BMPR1B: variants seen among roughly 807,000 people sequenced by gnomAD.
BMPR1B encodes bone morphogenetic protein receptor type 1B.
A neutral mutation model predicts 59.1 loss-of-function variants in BMPR1B; 12 were observed. The ratio of observed to expected loss-of-function variants is 0.20; its 90% CI spans 0.13 to 0.33. The LOEUF (loss-of-function observed/expected upper bound fraction) is 0.33. BMPR1B is among the 10% of genes least tolerant of loss of function. BMPR1B has a pLI of 1.00. For missense variants in BMPR1B, 550 were observed against 610.9 expected, an observed-to-expected ratio of 0.90 and a Z score of 1.05; for synonymous variants, 237 against 207.3, an observed-to-expected ratio of 1.14 and a Z score of -1.23.
intron 2 of BMPR1B, among the ~76,000 whole-genome samples, chr4:94,977,469 A>T (rs1731071547): frequency 7.8e-6 from 1 of 128,882 alleles, no homozygotes; most frequent in African/African-American, 2.9e-5. Context: ...TTTCAAACCC[A>T]GCAAGATGCC....
intron 2 of BMPR1B, among the ~76,000 whole-genome samples, chr4:94,900,206 G>A (rs924641172): frequency 6.6e-6 from 1 of 151,744 alleles, no homozygotes; most frequent in African/African-American, 2.4e-5. Flanking sequence ...ACACCACAGT[G>A]TAATGCGCTA....
At chr4:95,135,074 C>G (rs1023932780) in intron 10 of BMPR1B, among the ~76,000 whole-genome samples, 4 of 152,116 alleles carry the variant, frequency 2.6e-5, no homozygotes, top group African/African-American at 9.7e-5. Context: ...TCAGCTTTCT[C>G]CATATGGCTA....
chr4:95,016,756 G>T (rs759220013), intron 3 of BMPR1B, among the ~76,000 whole-genome samples: 4 of 152,082 alleles, frequency 2.6e-5, no homozygotes, highest in Non-Finnish European at 2.9e-5. Flanking sequence ...ATATTTAAAA[G>T]TTATAAATTT....
At chr4:94,983,991 G>A (rs920763215) in intron 2 of BMPR1B, among the ~76,000 whole-genome samples, 3 of 152,166 alleles carry the variant, frequency 2.0e-5, no homozygotes, top group African/African-American at 7.2e-5. Flanking sequence ...GATTAGAACT[G>A]CTAATTAAAA....
intron 3 of BMPR1B, among the ~76,000 whole-genome samples, chr4:94,999,949 T>A (rs1176032975): frequency 6.6e-6 from 1 of 152,174 alleles, no homozygotes; most frequent in Non-Finnish European, 1.5e-5. Flanking sequence ...AAAAAAGTAG[T>A]TGTGAAATAG....
At chr4:95,046,495 T>A (rs1029412278) in intron 3 of BMPR1B, among the ~76,000 whole-genome samples, 1 of 152,276 alleles carries the variant, frequency 6.6e-6, no homozygotes, top group South Asian at 2.1e-4. Context: ...AATTTAACAG[T>A]TAGGTAATGA....
chr4:94,955,647 A>T (rs868453512), intron 2 of BMPR1B, among the ~76,000 whole-genome samples: 3 of 50,052 alleles, frequency 6.0e-5, no homozygotes, highest in African/African-American at 3.1e-4. Context: ...CTTTTTTTTT[A>T]AAGACAGAAT....
chr4:95,042,050 G>A (rs1696381987), intron 3 of BMPR1B, among the ~76,000 whole-genome samples: 1 of 152,066 alleles, frequency 6.6e-6, no homozygotes, highest in Non-Finnish European at 1.5e-5. Flanking sequence ...TAGAGACGGG[G>A]TTTCACTCTG....
At chr4:94,761,403 C>T (rs931315768) in intron 1 of BMPR1B, among the ~76,000 whole-genome samples, 12 of 143,630 alleles carry the variant, frequency 8.4e-5, no homozygotes, top group Non-Finnish European at 1.2e-4. Context: ...TTACATTTTC[C>T]GCTGTATAAT....
Position 95,051,701 on chromosome 4 carries a change from T to G in BMPR1B, c.-17-52707T>G, listed in dbSNP as rs545557581. 16 of 1,535,584 alleles carry G rather than the reference T, an allele frequency of 1.0e-5. No individual in the cohort carries two copies. In the African/African-American group the frequency reaches 2.0e-4, roughly 20 times the overall value. ...CACATTGACTGCTCTGCTGCTGCAA[T>G]GGGTTGGCTGGAAGAACTAAACTGG... On this transcript the variant is annotated intron_variant, in intron 3 of 12. Coordinates refer to ENST00000515059, the MANE Select transcript of BMPR1B (RefSeq NM_001203.3).
At chr4:94,881,157 C>G (rs1208875829) in intron 2 of BMPR1B, among the ~76,000 whole-genome samples, 1 of 152,086 alleles carries the variant, frequency 6.6e-6, no homozygotes, top group East Asian at 1.9e-4. Context: ...ATCTCAAGAA[C>G]ATTTTCATCT....
At chr4:94,761,697 A>G (rs1284414336) in intron 1 of BMPR1B, among the ~76,000 whole-genome samples, 4 of 152,172 alleles carry the variant, frequency 2.6e-5, no homozygotes, top group Admixed American at 6.5e-5. Context: ...GAATTTCATA[A>G]TCAAGATCAT....
intron 10 of BMPR1B, among the ~76,000 whole-genome samples, chr4:95,135,927 C>T (rs1489471782): frequency 6.6e-6 from 1 of 152,172 alleles, no homozygotes; most frequent in Admixed American, 6.5e-5. Context: ...GAGAGGGCAT[C>T]CCTGTCTAGT....
intron 4 of BMPR1B, among the ~76,000 whole-genome samples, chr4:95,114,235 C>T (rs573895121): frequency 6.6e-6 from 1 of 152,240 alleles, no homozygotes; most frequent in African/African-American, 2.4e-5. Context: ...TAAACAGTCA[C>T]CTGCCTGGAT....
chr4:95,135,559 C>G (rs984669433), intron 10 of BMPR1B, among the ~76,000 whole-genome samples: 5 of 152,098 alleles, frequency 3.3e-5, no homozygotes, highest in Non-Finnish European at 7.4e-5. Flanking sequence ...TTGTAGTTCT[C>G]CTTGAAGAGG....
chr4:94,928,640 T>C (rs1015527929), intron 2 of BMPR1B, among the ~76,000 whole-genome samples: 1 of 151,740 alleles, frequency 6.6e-6, no homozygotes, highest in Non-Finnish European at 1.5e-5. Flanking sequence ...GGCTAGATGC[T>C]AATGTGAATA....
chr4:95,110,243 G>T (rs1243357679), intron 4 of BMPR1B, among the ~76,000 whole-genome samples: 1 of 151,930 alleles, frequency 6.6e-6, no homozygotes, highest in East Asian at 1.9e-4. Flanking sequence ...AGCTGTCAAG[G>T]TGAGATGTGG....
intron 2 of BMPR1B, among the ~76,000 whole-genome samples, chr4:94,888,564 A>G (rs1477164036): frequency 1.3e-5 from 2 of 152,022 alleles, no homozygotes; most frequent in East Asian, 3.9e-4. Flanking sequence ...TTTTTTCACA[A>G]TTATAAGAGT....
intron 2 of BMPR1B, among the ~76,000 whole-genome samples, chr4:94,930,627 C>T (rs1350635957): frequency 6.6e-6 from 1 of 152,050 alleles, no homozygotes; most frequent in East Asian, 1.9e-4. Context: ...ATAAAACCTA[C>T]AACCTACTTT....
Sources: gnomAD v4.1 joint callset for allele counts (sites outside exome capture counted in the v4.1 genomes callset) on GRCh38, gnomAD v4.1.1 for gene constraint, MANE v1.5 for transcripts, NCBI Gene and HGNC (gene_info 2026-07-23, HGNC 2026-07-21) for gene names.